Variants in AFG2A observed in about 807,000 individuals in gnomAD.
AFG2A encodes ATPase family gene 2 protein homolog A.
chr4:122,966,707 G>A, the AFG2A span, among the ~76,000 whole-genome samples: 43 of 152,268 alleles, frequency 2.8e-4, 1 homozygote, highest in East Asian at 3.1e-3. Context: ...AACTGAGTTC[G>A]ATGTTCCTGA....
the AFG2A span, among the ~76,000 whole-genome samples, chr4:123,288,861 C>G: frequency 2.0e-5 from 3 of 152,274 alleles, no homozygotes; most frequent in Admixed American, 1.3e-4. Context: ...TTCAGACACT[C>G]TCATCTAACA....
At chr4:123,215,178 C>T in the AFG2A span, among the ~76,000 whole-genome samples, 1 of 151,996 alleles carries the variant, frequency 6.6e-6, no homozygotes, top group Non-Finnish European at 1.5e-5. Flanking sequence ...TTGACTATCA[C>T]AAATACATGT....
the AFG2A span, among the ~76,000 whole-genome samples, chr4:123,224,426 G>T: frequency 0.014 from 2,121 of 147,278 alleles, 60 homozygotes; most frequent in African/African-American, 0.05. Flanking sequence ...TGTTCTTATT[G>T]TTCATTTCCC....
chr4:123,000,067 T>C, the AFG2A span, among the ~76,000 whole-genome samples: 2 of 150,164 alleles, frequency 1.3e-5, no homozygotes, highest in Admixed American at 1.3e-4. Context: ...TTTGAAGCAA[T>C]TGTGAATGGG....
chr4:123,010,864 C>A, the AFG2A span, among the ~76,000 whole-genome samples: 5 of 152,192 alleles, frequency 3.3e-5, no homozygotes, highest in African/African-American at 1.2e-4. Context: ...TGAGCCAATT[C>A]CCTAGTTGGT....
At chr4:123,071,925 G>T in the AFG2A span, among the ~76,000 whole-genome samples, 1 of 152,152 alleles carries the variant, frequency 6.6e-6, no homozygotes, top group Non-Finnish European at 1.5e-5. Flanking sequence ...CTTCAGTACA[G>T]CTTCCTTTCA....
At chr4:123,169,092 A>AG in the AFG2A span, among the ~76,000 whole-genome samples, 16 of 152,326 alleles carry the variant, frequency 1.1e-4, no homozygotes, top group South Asian at 3.1e-3. Flanking sequence ...CTTTCAATGC[A>AG]GATGGGGGGA....
chr4:122,996,588 G>C, the AFG2A span, among the ~76,000 whole-genome samples: 1 of 151,536 alleles, frequency 6.6e-6, no homozygotes, highest in Non-Finnish European at 1.5e-5. Flanking sequence ...TAGATAGATA[G>C]ATAGATAGAT....
At chr4:123,082,527 T>C in the AFG2A span, among the ~76,000 whole-genome samples, 5 of 87,120 alleles carry the variant, frequency 5.7e-5, no homozygotes, top group African/African-American at 1.7e-4. Context: ...TTTTTTCTTT[T>C]TTTTTTTTTT....
chr4:123,182,033 A>T, the AFG2A span, among the ~76,000 whole-genome samples: 15 of 152,310 alleles, frequency 9.8e-5, no homozygotes, highest in African/African-American at 3.6e-4. Context: ...CTCTGGTTGC[A>T]GGTAAGCTCT....
At chr4:123,141,835 C>G in the AFG2A span, among the ~76,000 whole-genome samples, 10 of 152,072 alleles carry the variant, frequency 6.6e-5, no homozygotes, top group African/African-American at 2.4e-4. Context: ...AGATGATTTG[C>G]AAACATTTTC....
At chr4:123,221,324 T>G in the AFG2A span, among the ~76,000 whole-genome samples, 2 of 151,970 alleles carry the variant, frequency 1.3e-5, no homozygotes, top group East Asian at 1.9e-4. Flanking sequence ...CTCGGGAAAT[T>G]TTTTAATTTT....
the AFG2A span, among the ~76,000 whole-genome samples, chr4:123,051,049 C>T: frequency 2.6e-5 from 4 of 151,978 alleles, no homozygotes; most frequent in African/African-American, 9.7e-5. Flanking sequence ...TTCAGCCACT[C>T]TTGGTCTTTT....
At chr4:123,203,012 G>A in the AFG2A span, among the ~76,000 whole-genome samples, 37 of 103,416 alleles carry the variant, frequency 3.6e-4, no homozygotes, top group South Asian at 8.7e-3. Flanking sequence ...GACAGAGCGA[G>A]ACTCCATCTC....
chr4:123,014,146 A>G, the AFG2A span, among the ~76,000 whole-genome samples: 618 of 152,256 alleles, frequency 4.1e-3, 3 homozygotes, highest in South Asian at 6.4e-3. Context: ...TTTAGTTTCT[A>G]TATTTTCCAT....
At chr4:123,013,996 G>A in the AFG2A span, among the ~76,000 whole-genome samples, 5 of 152,040 alleles carry the variant, frequency 3.3e-5, no homozygotes, top group South Asian at 4.2e-4. Flanking sequence ...TCTAGTTTTG[G>A]GTCATTTGGT....
the AFG2A span, among the ~76,000 whole-genome samples, chr4:122,960,495 G>A: frequency 2.4e-4 from 37 of 152,220 alleles, no homozygotes; most frequent in African/African-American, 8.9e-4. Context: ...TTCAAGAAGT[G>A]GACTTAGTCA....
the AFG2A span, among the ~76,000 whole-genome samples, chr4:123,067,566 A>G: frequency 1.3e-5 from 2 of 149,948 alleles, no homozygotes; most frequent in African/African-American, 2.5e-5. Context: ...TTACATGCCT[A>G]CCATTTGGAA....
the AFG2A span, among the ~76,000 whole-genome samples, chr4:122,941,286 C>G: frequency 4.0e-5 from 6 of 151,012 alleles, no homozygotes; most frequent in African/African-American, 1.2e-4. Context: ...TCTTCCATTT[C>G]TTTGTATCCT....
Sources: allele counts gnomAD v4.1 joint callset (sites outside exome capture counted in the v4.1 genomes callset), GRCh38; gene constraint gnomAD v4.1.1; transcripts MANE v1.5; gene names NCBI Gene and HGNC (gene_info 2026-07-23, HGNC 2026-07-21).